The following FSHR variants were observed in gnomAD, a reference collection of about 807,000 sequenced individuals.
FSHR encodes follicle stimulating hormone receptor.
A neutral mutation model predicts 52.1 loss-of-function variants in FSHR; 46 were observed. The ratio of observed to expected loss-of-function variants is 0.88; its 90% CI spans 0.70 to 1.13. The LOEUF is 1.13. Ranked by LOEUF, FSHR falls within the 50% of genes most tolerant of loss-of-function variation. The probability of loss-of-function intolerance (pLI) is 0.00; values close to 1 mark genes in which losing one functional copy is unlikely to be tolerated. For missense variants in FSHR, 964 were observed against 834.6 expected, an observed-to-expected ratio of 1.16 and a Z score of -1.91; for synonymous variants, 399 against 309.6, an observed-to-expected ratio of 1.29 and a Z score of -3.03.
chr2:49,092,891 C>T (rs915760482), intron 1 of FSHR, among the ~76,000 whole-genome samples: 4 of 152,158 alleles, frequency 2.6e-5, no homozygotes, highest in African/African-American at 9.7e-5. Context: ...GTCTCGAACT[C>T]CTGACCTTAA....
At chr2:49,084,597 G>A (rs1670305066) in intron 1 of FSHR, among the ~76,000 whole-genome samples, 1 of 152,098 alleles carries the variant, frequency 6.6e-6, no homozygotes, top group Non-Finnish European at 1.5e-5. Context: ...TAGACCGCTA[G>A]CAAGACTAAT....
chr2:49,106,282 G>A lies in FSHR; in HGVS notation c.153-37992C>T, dbSNP rs564966767. ...AGGGCACACTTATACCTAGGAGTGAGTGACTATATCAGCGATGTCTCTGGT... is the reference window on the plus strand; with the variant it reads ...AGGGCACACTTATACCTAGGAGTGAATGACTATATCAGCGATGTCTCTGGT... On this transcript the variant is annotated intron_variant, in intron 1 of 9. Transcript: ENST00000406846. 6.6e-5 allele frequency among the ~76,000 whole-genome samples: 10 copies of A among 152,282 alleles called. No homozygotes were observed. The South Asian group carries it at 2.1e-3, about 32-fold the overall frequency.
At chr2:49,082,324 T>C (rs1456999846) in intron 1 of FSHR, among the ~76,000 whole-genome samples, 2 of 152,012 alleles carry the variant, frequency 1.3e-5, no homozygotes, top group Non-Finnish European at 2.9e-5. Context: ...AGAAAGGACA[T>C]CCACATCAAA....
intron 1 of FSHR, among the ~76,000 whole-genome samples, chr2:49,126,393 A>G (rs1671998503): frequency 6.6e-6 from 1 of 152,184 alleles, no homozygotes; most frequent in Non-Finnish European, 1.5e-5. Flanking sequence ...TTCCTGCAAT[A>G]ATGCATAATA....
chr2:49,061,764 C>G (rs1194371767), intron 2 of FSHR, among the ~76,000 whole-genome samples: 1 of 129,836 alleles, frequency 7.7e-6, no homozygotes, highest in Non-Finnish European at 1.6e-5. Context: ...TTATATATAA[C>G]TATATATAAC....
chr2:49,028,263 G>T (rs142057620), intron 2 of FSHR, among the ~76,000 whole-genome samples: 3 of 152,304 alleles, frequency 2.0e-5, no homozygotes, highest in Non-Finnish European at 2.9e-5. Flanking sequence ...GATGTTTGCG[G>T]TGTAGCAGGC....
At chr2:49,142,112 C>T (rs1431731167) in intron 1 of FSHR, among the ~76,000 whole-genome samples, 1 of 152,176 alleles carries the variant, frequency 6.6e-6, no homozygotes, top group Non-Finnish European at 1.5e-5. Context: ...TTTATTCTTT[C>T]AACTCATATA....
At chr2:49,106,823 G>C (rs150561182) in intron 1 of FSHR, among the ~76,000 whole-genome samples, 17 of 152,242 alleles carry the variant, frequency 1.1e-4, no homozygotes, top group African/African-American at 3.8e-4. Context: ...GGTGGTCTGC[G>C]AGAAGGCTAC....
chr2:48,992,265 G>A (rs111394612), intron 4 of FSHR, among the ~76,000 whole-genome samples: 1 of 152,086 alleles, frequency 6.6e-6, no homozygotes, highest in Non-Finnish European at 1.5e-5. Context: ...ACGTAACCAC[G>A]AGCACAATAC....
rs750004985 is a variant in FSHR at position 48,988,954 on chromosome 2, T to C, written c.524+23A>G. 2.5e-6 allele frequency: 4 copies of C among 1,593,256 alleles called. No homozygotes were observed. In the East Asian group the frequency reaches 8.9e-5, roughly 36 times the overall value. On this transcript the variant is annotated intron_variant, in intron 6 of 9. Transcript: ENST00000406846. ...AATGAAAAATCAAATGTTACTCTGT[T>C]GGATTTTTTCCCCCTTACTTACAGA...
intron 8 of FSHR, among the ~76,000 whole-genome samples, chr2:48,980,316 C>T (rs1675190619): frequency 6.6e-6 from 1 of 152,178 alleles, no homozygotes; most frequent in Non-Finnish European, 1.5e-5. Flanking sequence ...ATTGTATTCC[C>T]TTAATTCTAG....
chr2:49,098,445 C>A (rs1670904221), intron 1 of FSHR, among the ~76,000 whole-genome samples: 1 of 151,996 alleles, frequency 6.6e-6, no homozygotes, highest in Non-Finnish European at 1.5e-5. Flanking sequence ...TGGATTAAAT[C>A]ATAAAGTGTA....
intron 1 of FSHR, among the ~76,000 whole-genome samples, chr2:49,121,332 C>T (rs1671810533): frequency 6.6e-6 from 1 of 152,160 alleles, no homozygotes; most frequent in Non-Finnish European, 1.5e-5. Context: ...AAAATAATAA[C>T]CTCTATTTTC....
At chr2:49,048,687 C>A (rs1049071160) in intron 2 of FSHR, among the ~76,000 whole-genome samples, 1 of 152,216 alleles carries the variant, frequency 6.6e-6, no homozygotes, top group Non-Finnish European at 1.5e-5. Context: ...CTGCTTCATT[C>A]ATTTAGGCTT....
chr2:49,089,413 A>G lies in FSHR; in HGVS notation c.153-21123T>C, dbSNP rs557798849. Among the ~76,000 whole-genome samples the G allele has an allele frequency of 7.9e-5, 12 of 152,330 alleles. No individual in the cohort carries two copies. In the South Asian group the frequency reaches 1.5e-3, roughly 18 times the overall value. ...GCTTCTTTAGATACTATTAGAACAGAGCAAGTCCTGAATAAATAGCATACA... is the reference window on the plus strand; with the variant it reads ...GCTTCTTTAGATACTATTAGAACAGGGCAAGTCCTGAATAAATAGCATACA... On this transcript the variant is annotated intron_variant, in intron 1 of 9. Transcript: ENST00000406846.
rs537944498 is a variant in FSHR at position 49,132,847 on chromosome 2, C to T, written c.152+21419G>A. On this transcript the variant is annotated intron_variant, in intron 1 of 9. Transcript: ENST00000406846. ...TAAGGAGCTCTGCTGTCCTGTTCCA[C>T]GGTGAAACTGATAAAAATTATAAAA... is the stretch of plus-strand genomic sequence containing the variant. Among the ~76,000 whole-genome samples the T allele has an allele frequency of 9.9e-5, 15 of 151,888 alleles. No homozygotes were observed. The East Asian group carries it at 1.7e-3, about 18-fold the overall frequency.
chr2:49,068,137 A>C (rs762263826), intron 2 of FSHR, 82 bp downstream of exon 2: 16 of 1,026,592 alleles, frequency 1.6e-5, no homozygotes, highest in Non-Finnish European at 2.5e-5. Context: ...TACTAAGTGC[A>C]GATAGTCATA....
intron 2 of FSHR, among the ~76,000 whole-genome samples, chr2:49,063,219 C>A (rs935721011): frequency 6.6e-6 from 1 of 152,068 alleles, no homozygotes; most frequent in African/African-American, 2.4e-5. Flanking sequence ...TTGAGAAAAT[C>A]ATATTTTGGA....
chr2:49,053,760 A>G (rs1668955543), intron 2 of FSHR, among the ~76,000 whole-genome samples: 1 of 152,204 alleles, frequency 6.6e-6, no homozygotes, highest in Admixed American at 6.5e-5. Context: ...TTAAACTGGG[A>G]TAATAAATGA....
Sources: gnomAD v4.1 joint callset for allele counts (sites outside exome capture counted in the v4.1 genomes callset) on GRCh38, gnomAD v4.1.1 for gene constraint, MANE v1.5 for transcripts, NCBI Gene and HGNC (gene_info 2026-07-23, HGNC 2026-07-21) for gene names.